Variants in C2CD3 observed in about 807,000 individuals in gnomAD.
C2CD3 encodes the protein C2 domain-containing protein 3.
In C2CD3, 148 loss-of-function variants were observed where a neutral mutation model predicts 234.0. The ratio of observed to expected loss-of-function variants is 0.63; its 90% CI spans 0.55 to 0.72. The LOEUF is 0.72. Among genes scored for constraint, C2CD3 ranks in the 30% least tolerant of loss-of-function variants. The pLI is 0.00. For synonymous variants in C2CD3, 1,000 were observed against 1,035.4 expected, an observed-to-expected ratio of 0.97 and a Z score of 0.66; for missense variants, 2,577 against 2,811.5, an observed-to-expected ratio of 0.92 and a Z score of 1.89.
intron 17 of C2CD3, 118 bp downstream of exon 17, chr11:74,095,110 T>C: frequency 3.6e-6 from 2 of 560,302 alleles, no homozygotes; most frequent in Non-Finnish European, 5.6e-6. Context: ...CCTGTTTTAC[T>C]GCCCAGTAAG....
At chr11:74,129,295 C>T (rs1203653992) in intron 7 of C2CD3, 3 of 172,282 alleles carry the variant, frequency 1.7e-5, no homozygotes, top group Non-Finnish European at 2.4e-5. Context: ...GGCTGCTGGG[C>T]GGAGGGGCTC....
In C2CD3 at chr11:74,074,290, G is replaced by A. The variant is rs752259457; in HGVS notation, c.4914C>T (p.Ser1638=). Reference sequence around the variant, plus strand: ...AGTGCATTGCTCTTTCTACTAGGATGCTGACTGCAAACGTTCCATCCAAAT... The same window carrying A: ...AGTGCATTGCTCTTTCTACTAGGATACTGACTGCAAACGTTCCATCCAAAT... ...PADLDGTFAV[S]ILVERAMHLS... Residue 1638 remains serine, a synonymous_variant, in exon 24 of 33, where the codon AGC becomes AGT. Coordinates refer to ENST00000334126, the MANE Select transcript of C2CD3 (RefSeq NM_001286577.2). 15 of 1,614,028 alleles carry A rather than the reference G, an allele frequency of 9.3e-6. No individual in the cohort carries two copies. The African/African-American group carries it at 1.7e-4, about 19-fold the overall frequency.
At chr11:74,111,244 G>A (rs1956730502) in intron 11 of C2CD3, among the ~76,000 whole-genome samples, 2 of 152,008 alleles carry the variant, frequency 1.3e-5, no homozygotes, top group Non-Finnish European at 2.9e-5. Context: ...AAGATATAAT[G>A]TTAAAGGCAA....
chr11:74,111,955 C>T (rs1445610624), intron 11 of C2CD3, among the ~76,000 whole-genome samples: 2 of 146,758 alleles, frequency 1.4e-5, no homozygotes, highest in African/African-American at 5.0e-5. Flanking sequence ...CACACACACA[C>T]ACACACACAC....
intron 5 of C2CD3, among the ~76,000 whole-genome samples, chr11:74,134,007 C>T (rs1201839428): frequency 1.3e-5 from 2 of 152,170 alleles, no homozygotes; most frequent in East Asian, 1.9e-4. Context: ...CTGACTTTTC[C>T]GACTTTCTGA....
intron 32 of C2CD3, among the ~76,000 whole-genome samples, chr11:74,020,456 C>A (rs1248592608): frequency 6.6e-6 from 1 of 152,252 alleles, no homozygotes; most frequent in Non-Finnish European, 1.5e-5. Flanking sequence ...TCTTTCTTTT[C>A]CTATACTCAT....
At chr11:74,071,065 T>C (rs1027946145) in intron 24 of C2CD3, among the ~76,000 whole-genome samples, 6 of 152,204 alleles carry the variant, frequency 3.9e-5, no homozygotes, top group Admixed American at 2.6e-4. Context: ...ATATCGTTTA[T>C]TCCTCTGTAC....
chr11:74,069,406 C>A (rs988554998), intron 24 of C2CD3, among the ~76,000 whole-genome samples: 1 of 152,214 alleles, frequency 6.6e-6, no homozygotes, highest in African/African-American at 2.4e-5. Context: ...ATTAAGAAGA[C>A]CTGAGGTGAA....
rs540750089 is a variant in C2CD3 at position 74,037,756 on chromosome 11, C to T, written c.5661-58G>A. On this transcript the variant is annotated intron_variant, in intron 29 of 32. Transcript: ENST00000334126. ...GGTAATTCATGGAGATTATGAACAT[C>T]TCTTATGTCCCCTGGACACTACCGC... 4.6e-5 allele frequency: 60 copies of T among 1,316,910 alleles called. 1 individual carries two copies. The African/African-American group carries it at 7.6e-4, about 17-fold the overall frequency. The allele number at this position is 1,316,910 out of a possible 1,614,324, so 81.6% of individuals were successfully genotyped here.
rs527887069 is a variant in C2CD3, at chr11:74,152,635, T to C, written c.483+8764A>G. Among the ~76,000 whole-genome samples the C allele has an allele frequency of 2.0e-3, 305 of 152,348 alleles. 2 individuals carry two copies. The highest frequency in any genetic ancestry group is 7.1e-3 in the African/African-American group (296 of 41,574). On this transcript the variant is annotated intron_variant, in intron 3 of 32. Transcript: ENST00000334126. ...ATGTAATGTTTCATTTCATCCTCACTGAAACATTAAATCACAATAATATAT... is the reference window on the plus strand; with the variant it reads ...ATGTAATGTTTCATTTCATCCTCACCGAAACATTAAATCACAATAATATAT...
At chr11:74,150,659 C>G (rs1420818727) in intron 3 of C2CD3, among the ~76,000 whole-genome samples, 1 of 151,684 alleles carries the variant, frequency 6.6e-6, no homozygotes, top group Non-Finnish European at 1.5e-5. Flanking sequence ...CTTTTCCAAG[C>G]CCTGCTTTGT....
intron 7 of C2CD3, among the ~76,000 whole-genome samples, chr11:74,124,604 A>G (rs1957341839): frequency 1.3e-5 from 2 of 152,150 alleles, no homozygotes; most frequent in Admixed American, 1.3e-4. Flanking sequence ...CCATCAATCT[A>G]TAGTAACTCT....
intron 25 of C2CD3, 52 bp downstream of exon 25, chr11:74,057,354 T>C: frequency 1.2e-6 from 2 of 1,605,950 alleles, no homozygotes; most frequent in Admixed American, 1.7e-5. Context: ...ACTTTGTGTC[T>C]TGGAACAAAA....
At chr11:74,090,159 T>C (rs1955820560) in intron 20 of C2CD3, among the ~76,000 whole-genome samples, 1 of 151,160 alleles carries the variant, frequency 6.6e-6, no homozygotes, top group African/African-American at 2.4e-5. Flanking sequence ...CAAAGATAGA[T>C]GGGGGGTGGG....
Position 74,084,971 on chromosome 11 carries a change from C to A in C2CD3, c.3911-1G>T. ...GACTCAATACTGATTATATCACTTG[C>A]TGTTAAATCAAGCAAAAAAGAAAAA... is the stretch of plus-strand genomic sequence containing the variant. On this transcript the variant is annotated splice_acceptor_variant, in intron 21 of 32. Coordinates refer to ENST00000334126, the MANE Select transcript of C2CD3 (RefSeq NM_001286577.2). LOFTEE classifies it high-confidence loss of function. The A allele has an allele frequency of 6.3e-7, 1 of 1,596,842 alleles. No individual in the cohort carries two copies. Among genetic ancestry groups the A allele is most frequent in the Non-Finnish European group, 8.6e-7 (1 of 1,165,504 alleles).
intron 14 of C2CD3, among the ~76,000 whole-genome samples, chr11:74,102,151 A>G (rs989844056): frequency 3.3e-5 from 5 of 152,356 alleles, no homozygotes; most frequent in East Asian, 1.9e-4. Flanking sequence ...AAGTAATTAC[A>G]TAAGAAAGAG....
rs151308158 is a variant in C2CD3 at position 74,139,792 on chromosome 11, C to T, written c.520G>A (p.Asp174Asn). 4,428 of 1,613,380 alleles carry T rather than the reference C, an allele frequency of 2.7e-3. 14 individuals are homozygous for T. The highest frequency in any genetic ancestry group is 3.5e-3 in the Non-Finnish European group (4,136 of 1,179,488). The change falls in exon 4 of 33, where the codon GAC (aspartate) becomes AAC (asparagine). Residue 174 changes from aspartate to asparagine, a missense_variant. Physicochemically the swap from Asp to Asn is conservative, Grantham distance 23. Transcript: ENST00000334126. ...LALEPLSETYDSYHPLPTTDM... is the reference protein window; with the variant it reads ...LALEPLSETYNSYHPLPTTDM... ...GTGGTAGGAAGTGGATGGTAGCTGT[C>T]GTAAGTTTCTGACAGAGGTTCCAGG...
chr11:74,017,138 G>A (rs74725981), intron 32 of C2CD3, among the ~76,000 whole-genome samples: 7,848 of 152,294 alleles, frequency 0.052, 596 homozygotes, highest in African/African-American at 0.17. Flanking sequence ...CCTATTACTA[G>A]AAGAGGGGTT....
At chr11:74,164,081 C>T (rs1394879500) in intron 2 of C2CD3, 29 of 578,834 alleles carry the variant, frequency 5.0e-5, no homozygotes, top group Non-Finnish European at 5.7e-5. Context: ...GTCCACTACA[C>T]TTAATTATAA....
Sources: gnomAD v4.1 joint callset for allele counts (sites outside exome capture counted in the v4.1 genomes callset) on GRCh38, gnomAD v4.1.1 for gene constraint, MANE v1.5 for transcripts, NCBI Gene and HGNC (gene_info 2026-07-23, HGNC 2026-07-21) for gene names.